The following ILKAP variants were observed in gnomAD, a reference collection of about 807,000 sequenced individuals.
The protein encoded by ILKAP is integrin-linked kinase-associated serine/threonine phosphatase 2C.
ILKAP carries 11 observed loss-of-function variants against 49.1 expected under a neutral mutation model. The observed-to-expected ratio is 0.22, with a 90% confidence interval of 0.14 to 0.37. The LOEUF (loss-of-function observed/expected upper bound fraction) is 0.37, where lower values mean the gene tolerates loss of function less well. Ranked by LOEUF, ILKAP falls within the 10% of genes least tolerant of loss-of-function variation. ILKAP has a pLI of 1.00. For missense variants in ILKAP, 363 were observed against 510.8 expected (o/e 0.71, Z 2.79); for synonymous variants, 186 against 192.8 (o/e 0.96, Z 0.29).
In ILKAP at chr2:238,184,251, G is replaced by A. The variant is rs572397433; in HGVS notation, c.533-138C>T. Reference sequence around the variant, plus strand: ...TGTCACCAGGCTGGAATGCAGTGGCGCGATCTCAGCTCACTGCAACCTCCG... The same window carrying A: ...TGTCACCAGGCTGGAATGCAGTGGCACGATCTCAGCTCACTGCAACCTCCG... On this transcript the variant is annotated intron_variant, in intron 6 of 11. Coordinates refer to ENST00000254654, the MANE Select transcript of ILKAP (RefSeq NM_030768.3). 118 of 618,130 alleles carry A rather than the reference G, an allele frequency of 1.9e-4. 1 individual carries two copies. The highest frequency in any genetic ancestry group is 1.7e-3 in the African/African-American group (94 of 54,520). 38.3% of individuals were successfully genotyped at this position (618,130 alleles called of 1,614,324 possible).
Position 238,200,749 on chromosome 2 carries a change from G to A in ILKAP, c.55+2750C>T, listed in dbSNP as rs187060168. ...AGGTGGAAGAATCACCTGTGCCCAC[G>A]GAGGTCGAGACTGCAGTGAGCTGTG... is the stretch of plus-strand genomic sequence containing the variant. On this transcript the variant is annotated intron_variant, in intron 1 of 11. Coordinates refer to ENST00000254654, the MANE Select transcript of ILKAP (RefSeq NM_030768.3). 5.9e-5 allele frequency among the ~76,000 whole-genome samples: 9 copies of A among 152,338 alleles called. No homozygotes were observed. In the South Asian group the frequency reaches 1.7e-3, roughly 28 times the overall value.
In ILKAP at chr2:238,203,513, G is replaced by A; in HGVS notation, c.41C>T (p.Pro14Leu). ...FGDLPEPERS[P>L]RPAAGKEAQK... ...ACGCCGCTTACCGGCAGCCGGGCGC[G>A]GCGAGCGCTCGGGCTCCGGCAGGTC... Residue 14 changes from proline to leucine, a missense_variant, in exon 1 of 12, where the codon CCG (proline) becomes CTG (leucine). Around this residue, in one of 3 missense-constraint regions of ILKAP, gnomAD observed 114 missense variants for 116.0 expected, o/e 0.98. Transcript: ENST00000254654. 8.0e-7 allele frequency: 1 copy of A among 1,251,398 alleles called. No individual in the cohort carries two copies. Among genetic ancestry groups the A allele is most frequent in the Non-Finnish European group, 1.0e-6 (1 of 987,888 alleles). The allele number at this position is 1,251,398 out of a possible 1,614,324, so 77.5% of individuals were successfully genotyped here. A position where few individuals can be genotyped will look rare whatever the true frequency, so the allele number is the denominator to read the frequency against.
intron 4 of ILKAP, 130 bp from the exon 5 acceptor site, chr2:238,188,387 G>T (rs1416028642): frequency 1.3e-5 from 14 of 1,090,694 alleles, no homozygotes; most frequent in Non-Finnish European, 1.7e-5. Context: ...AAACAAATAA[G>T]CAATACCCCT....
rs1694256877 is a variant in ILKAP, at chr2:238,194,219, G to A, written c.178+56C>T. ...AAACCTATACATAAATTTCACATAAGAGTAAAATACTATGTATTATTTCCA... is the reference window on the plus strand; with the variant it reads ...AAACCTATACATAAATTTCACATAAAAGTAAAATACTATGTATTATTTCCA... On this transcript the variant is annotated intron_variant, in intron 3 of 11. Coordinates refer to ENST00000254654, the MANE Select transcript of ILKAP (RefSeq NM_030768.3). The A allele has an allele frequency of 2.8e-6, 4 of 1,439,762 alleles. No individual in the cohort carries two copies. In the Admixed American group the frequency reaches 6.8e-5, roughly 24 times the overall value. The allele number at this position is 1,439,762 out of a possible 1,614,324, so 89.2% of individuals were successfully genotyped here.
At chr2:238,179,563 A>G (rs1465476565) in intron 9 of ILKAP, among the ~76,000 whole-genome samples, 1 of 152,218 alleles carries the variant, frequency 6.6e-6, no homozygotes, top group Non-Finnish European at 1.5e-5. Flanking sequence ...GAATATTCAC[A>G]AGGTACCAGT....
chr2:238,178,451 T>A (rs7604175), intron 9 of ILKAP, among the ~76,000 whole-genome samples: 128,586 of 152,242 alleles, frequency 0.84, 54,518 homozygotes, highest in East Asian at 0.99. Flanking sequence ...AGCTTCCCGA[T>A]GCACTGGAAT....
chr2:238,177,193 T>A (rs140927898), intron 9 of ILKAP, among the ~76,000 whole-genome samples: 93 of 152,256 alleles, frequency 6.1e-4, no homozygotes, highest in African/African-American at 1.5e-3. Context: ...TGTTAAGAAA[T>A]ACTGGAAAGA....
intron 7 of ILKAP, 43 bp downstream of exon 7, chr2:238,183,977 C>CCACA (rs3217566): frequency 0.15 from 184,852 of 1,223,224 alleles, 16,150 homozygotes; most frequent in Middle Eastern, 0.18. Flanking sequence ...TAGGAAAACA[C>CCACA]CACACACAGT....
Position 238,173,544 on chromosome 2 carries a change from G to C in ILKAP, c.946C>G (p.Pro316Ala), listed in dbSNP as rs1420005148. 6.2e-7 allele frequency: 1 copy of C among 1,613,534 alleles called. No homozygotes were observed. Among genetic ancestry groups the C allele is most frequent in the East Asian group, 2.2e-5 (1 of 44,878 alleles). ...TATAGGGCCTTTTACCTGTCATTGG[G>C]GGTCAGCTGGCAGCGTCTGATGTCG... is the stretch of plus-strand genomic sequence containing the variant. ...VPDIRRCQLT[P>A]NDRFILLACD... Residue 316 changes from proline to alanine, a missense_variant, in exon 10 of 12, where the codon CCC becomes GCC. Coordinates refer to ENST00000254654, the MANE Select transcript of ILKAP (RefSeq NM_030768.3).
chr2:238,181,504 T>C (rs571283380), intron 9 of ILKAP, among the ~76,000 whole-genome samples: 1 of 152,206 alleles, frequency 6.6e-6, no homozygotes, highest in Non-Finnish European at 1.5e-5. Context: ...TCTGTGCCAG[T>C]TGTTCCCAAG....
intron 9 of ILKAP, among the ~76,000 whole-genome samples, chr2:238,179,439 G>A (rs1693598291): frequency 6.6e-6 from 1 of 152,182 alleles, no homozygotes. Context: ...TTTACAGAAT[G>A]CCCGCTAATA....
Position 238,185,196 on chromosome 2 carries a change from T to C in ILKAP, c.517A>G (p.Arg173Gly). 6.2e-7 allele frequency: 1 copy of C among 1,610,430 alleles called. No individual in the cohort carries two copies. The highest frequency in any genetic ancestry group is 8.5e-7 in the Non-Finnish European group (1 of 1,176,736). The change falls in exon 6 of 12, where the codon AGA becomes GGA. Residue 173 changes from arginine to glycine, a missense_variant. Physicochemically the swap from Arg to Gly is moderately radical, Grantham distance 125. Coordinates refer to ENST00000254654, the MANE Select transcript of ILKAP (RefSeq NM_030768.3). ...TCAGTCTCACCTTTAGGAAATTTTC[T>C]GATTAAGTTTTGATGCAAATTCTGT... The part of the protein sequence containing the change: ...AAQNLHQNLI[R>G]KFPKGDVISV...
chr2:238,184,651 C>T (rs1559293971), intron 6 of ILKAP, among the ~76,000 whole-genome samples: 1 of 152,016 alleles, frequency 6.6e-6, no homozygotes, highest in Non-Finnish European at 1.5e-5. Flanking sequence ...CCTGAACCTC[C>T]TGGGGCTCAG....
Position 238,189,932 on chromosome 2 carries a change from T to G in ILKAP, c.219A>C (p.Glu73Asp), listed in dbSNP as rs748753715. The G allele has an allele frequency of 1.9e-6, 3 of 1,614,030 alleles. No homozygotes were observed. In the Admixed American group the frequency reaches 5.0e-5, roughly 27 times the overall value. ...ATSISQMVKT[E>D]GKGAKRKTSE... ...AGGTTTTTCTCTTTGCTCCTTTCCC[T>G]TCAGTCTTTACCATCTGGGATATTG... is the stretch of plus-strand genomic sequence containing the variant. The change falls in exon 4 of 12, where the codon GAA becomes GAC. Residue 73 changes from glutamate (E) to aspartate (D), a missense_variant. Physicochemically the swap from Glu to Asp is conservative, Grantham distance 45 (BLOSUM62 2). Transcript: ENST00000254654.
chr2:238,183,446 G>GT (rs1389480405), intron 8 of ILKAP, among the ~76,000 whole-genome samples: 1 of 152,136 alleles, frequency 6.6e-6, no homozygotes, highest in East Asian at 1.9e-4. Flanking sequence ...ATCATAGGGC[G>GT]TAAGTTCCCC....
At chr2:238,185,044 C>A in intron 6 of ILKAP, 137 bp downstream of exon 6, 1 of 566,778 alleles carries the variant, frequency 1.8e-6, no homozygotes, top group Non-Finnish European at 3.2e-6. Flanking sequence ...CCTTGGCATC[C>A]ACTCCTCAGC....
rs564089082 is a variant in ILKAP, at chr2:238,175,257, G to A, written c.837-1604C>T. Among the ~76,000 whole-genome samples, 13 of 151,522 alleles carry A rather than the reference G, an allele frequency of 8.6e-5. No individual in the cohort carries two copies. The East Asian group carries it at 1.9e-3, about 23-fold the overall frequency. On this transcript the variant is annotated intron_variant, in intron 9 of 11. Coordinates refer to ENST00000254654, the MANE Select transcript of ILKAP (RefSeq NM_030768.3). ...AGAACTACAGGTGTCACCAAGTCCA[G>A]GTAAATAAAAAAAAAATTTTTTTTG...
intron 10 of ILKAP, among the ~76,000 whole-genome samples, chr2:238,171,820 C>T (rs921728287): frequency 5.3e-5 from 8 of 152,294 alleles, no homozygotes; most frequent in South Asian, 2.1e-4. Flanking sequence ...GGCAGCTGTG[C>T]GTGTTCCTGT....
intron 10 of ILKAP, 117 bp from the exon 11 acceptor site, chr2:238,171,141 G>T: frequency 5.9e-6 from 4 of 680,720 alleles, no homozygotes; most frequent in South Asian, 2.0e-5. Flanking sequence ...CAAAGGCTAA[G>T]GTTTTTTTTT....
Sources: allele counts gnomAD v4.1 joint callset (sites outside exome capture counted in the v4.1 genomes callset), GRCh38; gene constraint gnomAD v4.1.1; regional missense constraint gnomAD v4.1.1; transcripts MANE v1.5; gene names NCBI Gene and HGNC (gene_info 2026-07-23, HGNC 2026-07-21).